The following CSNK1G2 variants were observed in gnomAD, a reference collection of about 807,000 sequenced individuals.
CSNK1G2 encodes casein kinase I isoform gamma-2.
A neutral mutation model predicts 48.0 loss-of-function variants in CSNK1G2; 11 were observed. The ratio of observed to expected loss-of-function variants is 0.23; its 90% CI spans 0.14 to 0.38. CSNK1G2 has a LOEUF of 0.38. Among genes scored for constraint, CSNK1G2 ranks in the 10% least tolerant of loss-of-function variants. The probability of loss-of-function intolerance (pLI) is 1.00; values close to 1 mark genes in which losing one functional copy is unlikely to be tolerated. For missense variants in CSNK1G2, 446 were observed against 595.5 expected (o/e 0.75, Z 2.61); for synonymous variants, 337 against 254.1 (o/e 1.33, Z -3.10).
In CSNK1G2 at chr19:1,978,184, G is replaced by A. The variant is rs1454617333; in HGVS notation, c.188-121G>A. 2.1e-6 allele frequency: 2 copies of A among 970,950 alleles called. No homozygotes were observed. Among genetic ancestry groups the A allele is most frequent in the African/African-American group, 3.2e-5 (2 of 61,772 alleles). The allele number at this position is 970,950 out of a possible 1,614,324, so 60.1% of individuals were successfully genotyped here. A position where few individuals can be genotyped will look rare whatever the true frequency, so the allele number is the denominator to read the frequency against. On this transcript the variant is annotated intron_variant, in intron 2 of 11. Transcript: ENST00000255641. This position sits in a 1 kb window ranked among gnomAD's most constrained non-coding sequence, Gnocchi z 7.3. ...GCCCAGGCCCTGCTGCTGGGCAGTG[G>A]TGTCATTTGGAGGGTGGTCCTTCAG...
Position 1,957,937 on chromosome 19 carries a change from G to A in CSNK1G2, c.-265-11571G>A, listed in dbSNP as rs575716823. Among the ~76,000 whole-genome samples, 10 of 152,288 alleles carry A rather than the reference G, an allele frequency of 6.6e-5. No individual in the cohort carries two copies. In the South Asian group the frequency reaches 1.2e-3, roughly 19 times the overall value. On this transcript the variant is annotated intron_variant, in intron 1 of 11. Transcript: ENST00000255641. This position sits in a 1 kb window ranked among gnomAD's most constrained non-coding sequence, Gnocchi z 5.4. Reference sequence around the variant, plus strand: ...CTGGAGCTGCGGGGCACACGGCAGAGCCAGCCTCATGTCACCACGTGCTTC... The same window carrying A: ...CTGGAGCTGCGGGGCACACGGCAGAACCAGCCTCATGTCACCACGTGCTTC...
At chr19:1,970,923 G>T (rs1024110173) in intron 2 of CSNK1G2, among the ~76,000 whole-genome samples, 4 of 152,206 alleles carry the variant, frequency 2.6e-5, no homozygotes, top group Non-Finnish European at 5.9e-5. Context: ...CACTCAGCCC[G>T]ATGAGGTTGT....
chr19:1,952,289 G>A (rs955625579), intron 1 of CSNK1G2, among the ~76,000 whole-genome samples: 11 of 152,118 alleles, frequency 7.2e-5, no homozygotes, highest in African/African-American at 4.8e-5. Context: ...GATGATGCCC[G>A]AGTGGCGGAG....
rs75591399 is a variant in CSNK1G2, at chr19:1,979,859, GC to G, written c.1086+28del. The G allele has an allele frequency of 7.3e-4, 1,175 of 1,602,536 alleles. 13 individuals are homozygous for G. The East Asian group carries it at 0.02, about 27-fold the overall frequency. Reference sequence around the variant, plus strand: ...AGGTGAGGCCCGGGCGGGACCGACCGCCCCAGGGAGGGGCATGGGCGGCCAG... The same window carrying G: ...AGGTGAGGCCCGGGCGGGACCGACCGCCCAGGGAGGGGCATGGGCGGCCAG... On this transcript the variant is annotated intron_variant, in intron 10 of 11. Transcript: ENST00000255641.
chr19:1,975,044 C>T (rs1474285699), intron 2 of CSNK1G2: 1 of 984,698 alleles, frequency 1.0e-6, no homozygotes, highest in African/African-American at 1.7e-5. Flanking sequence ...ACCCAGCACA[C>T]ACCCAGGTCT....
chr19:1,944,208 G>A (rs1385132629), intron 1 of CSNK1G2, among the ~76,000 whole-genome samples: 2 of 152,080 alleles, frequency 1.3e-5, no homozygotes, highest in African/African-American at 2.4e-5. Context: ...CCCCCATCCC[G>A]CGGATCTGCA....
chr19:1,945,079 G>C (rs547317492), intron 1 of CSNK1G2, among the ~76,000 whole-genome samples: 4 of 152,250 alleles, frequency 2.6e-5, no homozygotes, highest in Non-Finnish European at 4.4e-5. Context: ...CTGTCCTGAA[G>C]CCCTGCTGGG....
At chr19:1,970,104 C>T (rs965586768) in intron 2 of CSNK1G2, 145 bp downstream of exon 2, 12 of 554,802 alleles carry the variant, frequency 2.2e-5, no homozygotes, top group Non-Finnish European at 3.0e-5. Context: ...GTTGAATCAT[C>T]AGTCCGTCGT....
intron 1 of CSNK1G2, among the ~76,000 whole-genome samples, chr19:1,941,789 A>C (rs1366810024): frequency 1.9e-3 from 43 of 22,424 alleles, no homozygotes; most frequent in South Asian, 4.7e-3. Context: ...TGACCCCCCC[A>C]CTCTGCACCC....
At chr19:1,975,481 G>A in intron 2 of CSNK1G2, 8 of 985,480 alleles carry the variant, frequency 8.1e-6, no homozygotes, top group Non-Finnish European at 9.6e-6. Context: ...TGCCTCAAGG[G>A]CAGATGGGCA....
Position 1,957,713 on chromosome 19 carries a change from GA to G in CSNK1G2, c.-265-11794del, listed in dbSNP as rs1488999060. ...CAGACGTGGGCACAGAGGGGCCTCTGAGGGCGTCTGGCGGCATTTGAGCAGC... is the reference window on the plus strand; with the variant it reads ...CAGACGTGGGCACAGAGGGGCCTCTGGGGCGTCTGGCGGCATTTGAGCAGC... On this transcript the variant is annotated intron_variant, in intron 1 of 11. Coordinates refer to ENST00000255641, the MANE Select transcript of CSNK1G2 (RefSeq NM_001319.7). This position sits in a 1 kb window ranked among gnomAD's most constrained non-coding sequence, Gnocchi z 5.4. Among the ~76,000 whole-genome samples the G allele has an allele frequency of 6.6e-6, 1 of 152,134 alleles. No homozygotes were observed. The highest frequency in any genetic ancestry group is 1.5e-5 in the Non-Finnish European group (1 of 68,020).
At position 1,978,856 on chromosome 19, in the gene CSNK1G2, C is replaced by T. The variant is rs1316993839; in HGVS notation, c.448-3C>T. On this transcript the variant is annotated splice_polypyrimidine_tract_variant and splice_region_variant and intron_variant, in intron 5 of 11. Transcript: ENST00000255641. This position sits in a 1 kb window ranked among gnomAD's most constrained non-coding sequence, Gnocchi z 7.3. ...CGGCCGACACCGCCGTGCCCCCCTGCAGATCACGCGCATGGAGTATGTGCA... is the reference window on the plus strand; with the variant it reads ...CGGCCGACACCGCCGTGCCCCCCTGTAGATCACGCGCATGGAGTATGTGCA... 1.3e-6 allele frequency: 2 copies of T among 1,599,674 alleles called. No individual in the cohort carries two copies. The highest frequency in any genetic ancestry group is 1.3e-5 in the African/African-American group (1 of 74,788).
intron 2 of CSNK1G2, among the ~76,000 whole-genome samples, chr19:1,972,185 G>A (rs1044224682): frequency 2.2e-4 from 33 of 152,248 alleles, no homozygotes; most frequent in African/African-American, 6.3e-4. Flanking sequence ...CCGGGAGGCC[G>A]TCCATCGGAG....
intron 1 of CSNK1G2, among the ~76,000 whole-genome samples, chr19:1,945,315 C>G (rs1023615612): frequency 6.6e-6 from 1 of 152,334 alleles, no homozygotes; most frequent in Non-Finnish European, 1.5e-5. Context: ...GCCCCCGGTG[C>G]GGCTGACTGT....
At chr19:1,964,457 C>T (rs527760635) in intron 1 of CSNK1G2, among the ~76,000 whole-genome samples, 4 of 152,148 alleles carry the variant, frequency 2.6e-5, no homozygotes, top group Non-Finnish European at 4.4e-5. Flanking sequence ...GGACTTTCCT[C>T]GTGTGGAAGA....
intron 1 of CSNK1G2, among the ~76,000 whole-genome samples, chr19:1,963,413 C>T (rs1207405467): frequency 2.6e-5 from 4 of 150,956 alleles, no homozygotes; most frequent in Admixed American, 6.6e-5. Context: ...AGGGTTTCAC[C>T]GTGTCAGCCA....
At chr19:1,954,076 G>A (rs746697991) in intron 1 of CSNK1G2, 17 of 502,096 alleles carry the variant, frequency 3.4e-5, no homozygotes, top group Middle Eastern at 3.3e-4. Flanking sequence ...TGGGGTGGGC[G>A]GCTTCCCTCC....
chr19:1,968,767 C>G (rs1325143975), intron 1 of CSNK1G2: 1 of 152,668 alleles, frequency 6.6e-6, no homozygotes, highest in African/African-American at 2.4e-5. Flanking sequence ...GCTGGTCCCT[C>G]AAGCCCCGCC....
chr19:1,947,383 C>A (rs1255161132), intron 1 of CSNK1G2, among the ~76,000 whole-genome samples: 3 of 152,226 alleles, frequency 2.0e-5, no homozygotes, highest in Non-Finnish European at 4.4e-5. Context: ...TCTGCCCCTT[C>A]CCATCTGACC....
Sources: gnomAD v4.1 joint callset for allele counts (sites outside exome capture counted in the v4.1 genomes callset) on GRCh38, gnomAD v4.1.1 for gene constraint, Gnocchi (gnomAD v3.1) non-coding constraint, MANE v1.5 for transcripts, NCBI Gene and HGNC (gene_info 2026-07-23, HGNC 2026-07-21) for gene names.